Variants in FBXW7 observed in about 807,000 individuals in gnomAD.
FBXW7 encodes F-box/WD repeat-containing protein 7.
A neutral mutation model predicts 86.3 loss-of-function variants in FBXW7; 11 were observed. The observed-to-expected ratio is 0.13, with a 90% CI of 0.08 to 0.21. The LOEUF (loss-of-function observed/expected upper bound fraction) is 0.21, where lower values mean the gene tolerates loss of function less well. FBXW7 is among the 10% of genes least tolerant of loss of function. The probability of loss-of-function intolerance (pLI) is 1.00; values close to 1 mark genes in which losing one functional copy is unlikely to be tolerated. For synonymous variants in FBXW7, 313 were observed against 297.9 expected, an observed-to-expected ratio of 1.05 and a Z score of -0.52; for missense variants, 488 against 847.4, an observed-to-expected ratio of 0.58 and a Z score of 5.27.
At chr4:152,348,776 C>T (rs1014029096) in intron 5 of FBXW7, 1 of 874,426 alleles carries the variant, frequency 1.1e-6, no homozygotes, top group African/African-American at 1.8e-5. Context: ...CCAAGAAATA[C>T]TTTATCATGA....
intron 2 of FBXW7, among the ~76,000 whole-genome samples, chr4:152,479,956 A>G (rs1686507012): frequency 6.6e-6 from 1 of 152,152 alleles, no homozygotes; most frequent in Non-Finnish European, 1.5e-5. Context: ...CAGTTCTAAC[A>G]CTGCTACTAC....
At chr4:152,506,928 G>A (rs1747476625) in intron 2 of FBXW7, among the ~76,000 whole-genome samples, 1 of 152,202 alleles carries the variant, frequency 6.6e-6, no homozygotes, top group East Asian at 1.9e-4. Flanking sequence ...ATTGTGTAAT[G>A]CACAATATGA....
At chr4:152,353,120 C>T (rs1038942758) in intron 4 of FBXW7, 1 of 546,062 alleles carries the variant, frequency 1.8e-6, no homozygotes, top group Non-Finnish European at 2.5e-6. Flanking sequence ...ACAAATAAGT[C>T]TTTTCAGAAA....
intron 2 of FBXW7, among the ~76,000 whole-genome samples, chr4:152,421,146 G>A (rs1738906069): frequency 6.6e-6 from 1 of 151,838 alleles, no homozygotes; most frequent in African/African-American, 2.4e-5. Flanking sequence ...GTACTTACAT[G>A]TTATCGAGAC....
intron 4 of FBXW7, among the ~76,000 whole-genome samples, chr4:152,383,906 C>G (rs866920415): frequency 3.2e-4 from 48 of 152,038 alleles, no homozygotes; most frequent in African/African-American, 9.9e-4. Flanking sequence ...TGTAAATGGT[C>G]AATAGGCACA....
intron 7 of FBXW7, 96 bp downstream of exon 7, chr4:152,337,706 G>C (rs1013828637): frequency 1.1e-5 from 14 of 1,291,686 alleles, no homozygotes; most frequent in Non-Finnish European, 1.3e-5. Context: ...TGACAATACC[G>C]AATACCATAA....
At chr4:152,513,147 T>C (rs778882422) in intron 2 of FBXW7, among the ~76,000 whole-genome samples, 22 of 152,282 alleles carry the variant, frequency 1.4e-4, no homozygotes, top group Non-Finnish European at 2.2e-4. Context: ...GCATGAGCCA[T>C]TGCGCCTGGC....
chr4:152,403,124 CGGGAA>C (rs1737091255), intron 4 of FBXW7, among the ~76,000 whole-genome samples: 1 of 151,864 alleles, frequency 6.6e-6, no homozygotes, highest in Non-Finnish European at 1.5e-5. Flanking sequence ...GTTGGGAATA[CGGGAA>C]GGGAGGGAAG....
intron 2 of FBXW7, among the ~76,000 whole-genome samples, chr4:152,474,485 T>C (rs1389849531): frequency 1.3e-5 from 2 of 152,336 alleles, no homozygotes; most frequent in East Asian, 3.9e-4. Context: ...TATGTGAACA[T>C]CAGATTTTGA....
intron 2 of FBXW7, among the ~76,000 whole-genome samples, chr4:152,434,489 C>A (rs573223991): frequency 1.3e-5 from 2 of 152,268 alleles, no homozygotes; most frequent in South Asian, 4.1e-4. Flanking sequence ...GTCCTCTATG[C>A]CTTAGTTTAC....
intron 4 of FBXW7, among the ~76,000 whole-genome samples, chr4:152,396,291 GC>G (rs888016080): frequency 2.0e-5 from 3 of 151,732 alleles, no homozygotes; most frequent in African/African-American, 7.3e-5. Flanking sequence ...TTCTGCACTT[GC>G]CCCCTCCCAT....
At chr4:152,510,622 A>G (rs1472629888) in intron 2 of FBXW7, among the ~76,000 whole-genome samples, 5 of 152,212 alleles carry the variant, frequency 3.3e-5, no homozygotes, top group African/African-American at 9.6e-5. Context: ...TAGACTTTTC[A>G]TAACTAAAAA....
rs2126457347 is a variant in FBXW7 at position 152,322,884 on chromosome 4, C to T, written c.2121G>A (p.Lys707=). ...LLVLDFDVDM[K] ...ACAAATTCATCTTTTCTGCTCTTCA[C>T]TTCATGTCCACATCAAAGTCCAGCA... The change falls in exon 14 of 14, where the codon AAG becomes AAA. Residue 707 remains lysine (K), a synonymous_variant. Transcript: ENST00000281708. The T allele has an allele frequency of 1.2e-6, 2 of 1,613,566 alleles. No homozygotes were observed. Among genetic ancestry groups the T allele is most frequent in the South Asian group, 2.2e-5 (2 of 91,058 alleles).
At chr4:152,511,283 C>G (rs1282237539) in intron 2 of FBXW7, among the ~76,000 whole-genome samples, 1 of 150,486 alleles carries the variant, frequency 6.6e-6, no homozygotes, top group Non-Finnish European at 1.5e-5. Context: ...CATCCTGACA[C>G]AGCCCCCCGC....
intron 2 of FBXW7, among the ~76,000 whole-genome samples, chr4:152,526,190 C>T (rs1028289233): frequency 1.3e-5 from 2 of 150,898 alleles, no homozygotes; most frequent in Non-Finnish European, 3.0e-5. Flanking sequence ...GGACAATAGA[C>T]CTTTGTCAGA....
intron 2 of FBXW7, among the ~76,000 whole-genome samples, chr4:152,508,250 GA>G (rs150420400): frequency 6.6e-6 from 1 of 151,154 alleles, no homozygotes; most frequent in African/African-American, 2.4e-5. Context: ...TATAAGAGGG[GA>G]AAAAAAATCC....
At chr4:152,453,742 G>A (rs962179021) in intron 2 of FBXW7, among the ~76,000 whole-genome samples, 2 of 152,060 alleles carry the variant, frequency 1.3e-5, no homozygotes, top group Non-Finnish European at 2.9e-5. Context: ...CAGCAAAAAC[G>A]TGGTCAGTGA....
chr4:152,484,226 C>G (rs1745145774), intron 2 of FBXW7, among the ~76,000 whole-genome samples: 2 of 152,006 alleles, frequency 1.3e-5, no homozygotes, highest in Admixed American at 1.3e-4. Flanking sequence ...AACATCCATT[C>G]TACATAAATT....
At chr4:152,530,046 ACCC>A (rs1254725552) in intron 2 of FBXW7, among the ~76,000 whole-genome samples, 1 of 134,134 alleles carries the variant, frequency 7.5e-6, no homozygotes, top group Non-Finnish European at 1.6e-5. Flanking sequence ...ACAGAATGAG[ACCC>A]CGTCACAAAA....
Sources: gnomAD v4.1 joint callset for allele counts (sites outside exome capture counted in the v4.1 genomes callset) on GRCh38, gnomAD v4.1.1 for gene constraint, MANE v1.5 for transcripts, NCBI Gene and HGNC (gene_info 2026-07-23, HGNC 2026-07-21) for gene names.